Variants in TMPRSS7 observed in about 807,000 individuals in gnomAD.
TMPRSS7 encodes transmembrane protease serine 7.
TMPRSS7 carries 81 observed loss-of-function variants against 95.6 expected under a neutral mutation model. That is an observed-to-expected ratio of 0.85 (90% CI 0.71 to 1.02). TMPRSS7 has a LOEUF of 1.02. TMPRSS7 is among the 50% of genes least tolerant of loss of function. The probability of loss-of-function intolerance (pLI) is 0.00; values close to 1 mark genes in which losing one functional copy is unlikely to be tolerated. For missense variants in TMPRSS7, 945 were observed against 955.2 expected (o/e 0.99, Z 0.14); for synonymous variants, 364 against 337.8 (o/e 1.08, Z -0.85).
Position 112,063,437 on chromosome 3 carries a change from A to C in TMPRSS7, c.1448-88A>C, listed in dbSNP as rs1056178317. 7 of 966,410 alleles carry C rather than the reference A, an allele frequency of 7.2e-6. 1 individual carries two copies. The African/African-American group carries it at 1.1e-4, about 16-fold the overall frequency. 59.9% of individuals were successfully genotyped at this position (966,410 alleles called of 1,614,324 possible). A position where few individuals can be genotyped will look rare whatever the true frequency, so the allele number is the denominator to read the frequency against. On this transcript the variant is annotated intron_variant, in intron 11 of 17. Coordinates refer to ENST00000452346, the Ensembl canonical transcript of TMPRSS7. Reference sequence around the variant, plus strand: ...CTGCTACCCTGCCAACTCCCTAACCACTTCACACTTTAAATTTGCTAATGT... The same window carrying C: ...CTGCTACCCTGCCAACTCCCTAACCCCTTCACACTTTAAATTTGCTAATGT...
At chr3:112,040,541 G>C (rs2073194821) in intron 2 of TMPRSS7, among the ~76,000 whole-genome samples, 1 of 152,152 alleles carries the variant, frequency 6.6e-6, no homozygotes, top group African/African-American at 2.4e-5. Context: ...TGAGGAAACT[G>C]GTGGGGAAGT....
chr3:112,066,972 C>T lies in TMPRSS7; in HGVS notation c.1666+470C>T, dbSNP rs140194912. On this transcript the variant is annotated intron_variant, in intron 13 of 17. Coordinates refer to ENST00000452346, the Ensembl canonical transcript of TMPRSS7. ...TTAGGTATTTCTCCTAATGCTATCCCTCCCCAAGGCCCTTACCCCCTGACA... is the reference window on the plus strand; with the variant it reads ...TTAGGTATTTCTCCTAATGCTATCCTTCCCCAAGGCCCTTACCCCCTGACA... Among the ~76,000 whole-genome samples, 810 of 152,244 alleles carry T rather than the reference C, an allele frequency of 5.3e-3. 12 individuals are homozygous for T. The highest frequency in any genetic ancestry group is 0.018 in the African/African-American group (766 of 41,520).
chr3:112,073,089 C>CT (rs1156538909), intron 13 of TMPRSS7, among the ~76,000 whole-genome samples: 7,183 of 128,414 alleles, frequency 0.056, 308 homozygotes, highest in African/African-American at 0.082. Flanking sequence ...TGTTTCCTGA[C>CT]TTTTTTTTTT....
At chr3:112,074,079 C>A (rs1403989952) in intron 13 of TMPRSS7, among the ~76,000 whole-genome samples, 1 of 152,246 alleles carries the variant, frequency 6.6e-6, no homozygotes. Flanking sequence ...TGATTCTCAA[C>A]AAATATGCCT....
At position 112,066,506 on chromosome 3, in the gene TMPRSS7, A is replaced by T. The variant is rs1205746546; in HGVS notation, c.1666+4A>T. ...GATGAGCAAAACTGCACTCAAAGTG[A>T]GGGAGAGTCCTCTGTGCCCTGCTGT... On this transcript the variant is annotated splice_donor_region_variant and intron_variant, in intron 13 of 17. Coordinates refer to ENST00000452346, the Ensembl canonical transcript of TMPRSS7. 4.3e-6 allele frequency: 7 copies of T among 1,612,642 alleles called. No individual in the cohort carries two copies. Among genetic ancestry groups the T allele is most frequent in the Non-Finnish European group, 5.9e-6 (7 of 1,179,136 alleles).
At chr3:112,038,561 C>G (rs759685302) in intron 2 of TMPRSS7, among the ~76,000 whole-genome samples, 1 of 152,172 alleles carries the variant, frequency 6.6e-6, no homozygotes, top group Non-Finnish European at 1.5e-5. Context: ...ACCTTGAACT[C>G]CTGGGCTCAA....
At chr3:112,063,747 C>A in intron 12 of TMPRSS7, 115 bp downstream of exon 12, 1 of 838,354 alleles carries the variant, frequency 1.2e-6, no homozygotes, top group East Asian at 2.5e-5. Context: ...ACTGCATAAC[C>A]AACTACCCCA....
intron 8 of TMPRSS7, among the ~76,000 whole-genome samples, chr3:112,050,331 A>G (rs2073329438): frequency 6.6e-6 from 1 of 152,148 alleles, no homozygotes; most frequent in Non-Finnish European, 1.5e-5. Flanking sequence ...AATATGAGAG[A>G]TGGAACTCAG....
At chr3:112,056,413 G>A (rs1275519216) in intron 9 of TMPRSS7, among the ~76,000 whole-genome samples, 1 of 152,140 alleles carries the variant, frequency 6.6e-6, no homozygotes, top group Non-Finnish European at 1.5e-5. Flanking sequence ...TGTCATATCA[G>A]ACATAATACA....
chr3:112,070,714 A>G (rs984155443), intron 13 of TMPRSS7, among the ~76,000 whole-genome samples: 1 of 152,218 alleles, frequency 6.6e-6, no homozygotes, highest in African/African-American at 2.4e-5. Flanking sequence ...TTTTGAGCCT[A>G]TGTCTGTCTC....
At chr3:112,053,690 G>A (rs1001650748) in intron 9 of TMPRSS7, among the ~76,000 whole-genome samples, 4 of 152,174 alleles carry the variant, frequency 2.6e-5, no homozygotes, top group Non-Finnish European at 5.9e-5. Flanking sequence ...ACATTTTATA[G>A]GTATGGGAAA....
chr3:112,060,644 T>C (rs2073491062), intron 10 of TMPRSS7, among the ~76,000 whole-genome samples: 1 of 152,276 alleles, frequency 6.6e-6, no homozygotes, highest in African/African-American at 2.4e-5. Context: ...ACATTGCTGT[T>C]ATCCTGTTCT....
At chr3:112,073,372 G>A (rs1344537280) in intron 13 of TMPRSS7, among the ~76,000 whole-genome samples, 1 of 152,128 alleles carries the variant, frequency 6.6e-6, no homozygotes, top group Non-Finnish European at 1.5e-5. Flanking sequence ...GGGATTACAG[G>A]CAGGAGCCAC....
intron 9 of TMPRSS7, among the ~76,000 whole-genome samples, chr3:112,054,669 A>T (rs570568067): frequency 7.4e-6 from 1 of 135,608 alleles, no homozygotes; most frequent in Admixed American, 7.9e-5. Flanking sequence ...GCACTGGAAG[A>T]TGTTCTTACA....
In TMPRSS7 at chr3:112,080,209, A is replaced by G. The variant is rs151185720; in HGVS notation, c.2362-705A>G. 2.0e-4 allele frequency among the ~76,000 whole-genome samples: 31 copies of G among 152,352 alleles called. No individual in the cohort carries two copies. The East Asian group carries it at 6.0e-3, about 29-fold the overall frequency. ...AGATATTATAATTTAAAGGACTAAT[A>G]CTGTGGAAATTATGTTTATACTTTG... is the stretch of plus-strand genomic sequence containing the variant. On this transcript the variant is annotated intron_variant, in intron 17 of 17. Coordinates refer to ENST00000452346, the Ensembl canonical transcript of TMPRSS7.
chr3:112,073,982 T>A (rs1056858303), intron 13 of TMPRSS7, among the ~76,000 whole-genome samples: 53 of 152,226 alleles, frequency 3.5e-4, no homozygotes, highest in African/African-American at 1.3e-3. Context: ...GAGAAGGTAA[T>A]AGCAAAGAGG....
chr3:112,080,551 CACT>C (rs899634644), intron 17 of TMPRSS7, among the ~76,000 whole-genome samples: 21 of 115,226 alleles, frequency 1.8e-4, no homozygotes, highest in Non-Finnish European at 3.4e-4. Flanking sequence ...CTACTACCAC[CACT>C]ACTACTACTA....
chr3:112,043,246 A>G (rs1014564099), intron 3 of TMPRSS7, among the ~76,000 whole-genome samples: 4 of 152,160 alleles, frequency 2.6e-5, no homozygotes, highest in African/African-American at 7.2e-5. Flanking sequence ...ACGGCATGTT[A>G]CTGTACTGAA....
rs1039174363 is a variant in TMPRSS7, at chr3:112,056,393, A to C, written c.1204-632A>C. Among the ~76,000 whole-genome samples, 8 of 152,368 alleles carry C rather than the reference A, an allele frequency of 5.3e-5. No homozygotes were observed. In the South Asian group the frequency reaches 8.3e-4, roughly 16 times the overall value. The stretch of plus-strand genomic sequence containing the variant: ...TTCCTGGGTCAAAGTGAAAATCAAA[A>C]TGAAAACTTTGTCATATCAGACATA... On this transcript the variant is annotated intron_variant, in intron 9 of 17. Coordinates refer to ENST00000452346, the Ensembl canonical transcript of TMPRSS7.
Sources: gnomAD v4.1 joint callset for allele counts (sites outside exome capture counted in the v4.1 genomes callset) on GRCh38, gnomAD v4.1.1 for gene constraint, MANE v1.5 for transcripts, NCBI Gene and HGNC (gene_info 2026-07-23, HGNC 2026-07-21) for gene names.